ATP6V1H: variants seen among roughly 807,000 people sequenced by gnomAD.
The protein encoded by ATP6V1H is V-type proton ATPase subunit H.
Under a neutral mutation model 71.7 loss-of-function variants are expected in ATP6V1H, and 39 were observed. That is an observed-to-expected ratio of 0.54 (90% confidence interval 0.42 to 0.71). The LOEUF (loss-of-function observed/expected upper bound fraction) is 0.71. Ranked by LOEUF, ATP6V1H falls within the 30% of genes least tolerant of loss-of-function variation. The pLI, the probability that ATP6V1H is intolerant of heterozygous loss-of-function variation, is 0.00. For synonymous variants in ATP6V1H, 192 were observed against 199.3 expected, an observed-to-expected ratio of 0.96 and a Z score of 0.31; for missense variants, 509 against 594.9, an observed-to-expected ratio of 0.86 and a Z score of 1.50.
Position 53,734,385 on chromosome 8 carries a change from T to A in ATP6V1H, c.1391+9192A>T, listed in dbSNP as rs551801678. On this transcript the variant is annotated intron_variant, in intron 13 of 13. Coordinates refer to ENST00000359530, the MANE Select transcript of ATP6V1H (RefSeq NM_015941.4). ...TCATCAACCCACAAGGAGAAAAATA[T>A]GCAGGATATTGAGTGGTAACCCTGG... is the stretch of plus-strand genomic sequence containing the variant. Among the ~76,000 whole-genome samples the A allele has an allele frequency of 7.9e-5, 12 of 152,276 alleles. No homozygotes were observed. In the East Asian group the frequency reaches 2.3e-3, roughly 29 times the overall value.
intron 9 of ATP6V1H, among the ~76,000 whole-genome samples, chr8:53,781,233 C>G (rs1809115400): frequency 6.6e-6 from 1 of 152,218 alleles, no homozygotes; most frequent in South Asian, 2.1e-4. Flanking sequence ...AATCGCCATT[C>G]TAACTGGTGT....
intron 3 of ATP6V1H, among the ~76,000 whole-genome samples, chr8:53,830,982 C>A (rs1810987887): frequency 6.6e-6 from 1 of 152,142 alleles, no homozygotes; most frequent in African/African-American, 2.4e-5. Context: ...TTTCATCGCA[C>A]AACTTAAACT....
chr8:53,726,674 T>C (rs1328788476), intron 13 of ATP6V1H, among the ~76,000 whole-genome samples: 1 of 152,212 alleles, frequency 6.6e-6, no homozygotes, highest in Non-Finnish European at 1.5e-5. Flanking sequence ...CAGGAGAACA[T>C]CTACCCATCT....
At chr8:53,793,464 T>C (rs185754218) in intron 9 of ATP6V1H, among the ~76,000 whole-genome samples, 100 of 152,020 alleles carry the variant, frequency 6.6e-4, no homozygotes, top group African/African-American at 2.3e-3. Flanking sequence ...CAAAACAAGA[T>C]CCTGTCTCTA....
intron 13 of ATP6V1H, among the ~76,000 whole-genome samples, chr8:53,739,827 T>TGCAGAGGCCC (rs1807351971): frequency 6.6e-6 from 1 of 152,230 alleles, no homozygotes; most frequent in Non-Finnish European, 1.5e-5. Context: ...AGATAAGAGC[T>TGCAGAGGCCC]GCAGAGGCCC....
At chr8:53,811,471 G>T (rs1306932184) in intron 6 of ATP6V1H, among the ~76,000 whole-genome samples, 1 of 152,134 alleles carries the variant, frequency 6.6e-6, no homozygotes, top group Non-Finnish European at 1.5e-5. Flanking sequence ...TGACTACTAA[G>T]CTCCAGGTAA....
intron 9 of ATP6V1H, among the ~76,000 whole-genome samples, chr8:53,781,068 G>A (rs1166231063): frequency 2.0e-5 from 3 of 152,170 alleles, no homozygotes; most frequent in Non-Finnish European, 4.4e-5. Flanking sequence ...TAATGGGATG[G>A]CTGGGTCAAA....
intron 9 of ATP6V1H, among the ~76,000 whole-genome samples, chr8:53,772,577 G>C (rs920825869): frequency 6.6e-6 from 1 of 152,042 alleles, no homozygotes; most frequent in Non-Finnish European, 1.5e-5. Flanking sequence ...CCAGTTCCCA[G>C]TCTGTCACCA....
At chr8:53,820,841 G>T (rs952430138) in intron 4 of ATP6V1H, among the ~76,000 whole-genome samples, 6 of 151,678 alleles carry the variant, frequency 4.0e-5, no homozygotes, top group African/African-American at 1.5e-4. Context: ...AATTAGCCAG[G>T]CGTGGTAGCA....
intron 9 of ATP6V1H, among the ~76,000 whole-genome samples, chr8:53,784,967 A>G (rs1468771873): frequency 1.3e-5 from 2 of 152,080 alleles, no homozygotes; most frequent in Admixed American, 6.5e-5. Context: ...GGCTGCCCTT[A>G]ACATTTTTTC....
chr8:53,774,953 T>G (rs1808809660), intron 9 of ATP6V1H, among the ~76,000 whole-genome samples: 1 of 152,202 alleles, frequency 6.6e-6, no homozygotes, highest in African/African-American at 2.4e-5. Context: ...ACCAATGACC[T>G]ATGCAACGCA....
At chr8:53,825,611 T>C (rs2130507414) in intron 4 of ATP6V1H, among the ~76,000 whole-genome samples, 1 of 152,248 alleles carries the variant, frequency 6.6e-6, no homozygotes, top group East Asian at 1.9e-4. Context: ...TCTAGTTATA[T>C]AGGGAGGTTT....
intron 13 of ATP6V1H, among the ~76,000 whole-genome samples, chr8:53,718,569 T>A (rs1453035883): frequency 6.6e-6 from 1 of 152,048 alleles, no homozygotes; most frequent in African/African-American, 2.4e-5. Flanking sequence ...TTTGTATATT[T>A]TGTACAGACA....
At chr8:53,775,017 G>A (rs1030688151) in intron 9 of ATP6V1H, among the ~76,000 whole-genome samples, 12 of 152,216 alleles carry the variant, frequency 7.9e-5, no homozygotes, top group Non-Finnish European at 1.5e-4. Flanking sequence ...GAATGAAGCC[G>A]CGGACCCTCG....
chr8:53,800,843 G>A, intron 8 of ATP6V1H, among the ~76,000 whole-genome samples: 1 of 152,034 alleles, frequency 6.6e-6, no homozygotes, highest in Admixed American at 6.6e-5. Context: ...TTCACAAAAT[G>A]ACTAAAAATA....
At chr8:53,763,650 G>A (rs1200257764) in intron 11 of ATP6V1H, among the ~76,000 whole-genome samples, 3 of 151,984 alleles carry the variant, frequency 2.0e-5, no homozygotes, top group African/African-American at 7.3e-5. Context: ...TCCAGTTTCT[G>A]GTACAGCATG....
At chr8:53,814,365 T>C (rs1191141213) in intron 6 of ATP6V1H, among the ~76,000 whole-genome samples, 1 of 152,004 alleles carries the variant, frequency 6.6e-6, no homozygotes, top group African/African-American at 2.4e-5. Flanking sequence ...CTTTCAGTTC[T>C]CCAGCCTGTA....
At chr8:53,721,434 A>G (rs928638548) in intron 13 of ATP6V1H, among the ~76,000 whole-genome samples, 7 of 152,224 alleles carry the variant, frequency 4.6e-5, no homozygotes, top group Admixed American at 2.0e-4. Context: ...AGCCTAGGAA[A>G]AACAGTATTT....
At chr8:53,729,544 T>C (rs181653754) in intron 13 of ATP6V1H, among the ~76,000 whole-genome samples, 12 of 152,216 alleles carry the variant, frequency 7.9e-5, no homozygotes, top group African/African-American at 2.4e-4. Context: ...ACCCTGAGTT[T>C]TACACCCTGG....
Sources: gnomAD v4.1 joint callset for allele counts (sites outside exome capture counted in the v4.1 genomes callset) on GRCh38, gnomAD v4.1.1 for gene constraint, MANE v1.5 for transcripts, NCBI Gene and HGNC (gene_info 2026-07-23, HGNC 2026-07-21) for gene names.